The following MTMR10 variants were observed in gnomAD, a reference collection of about 807,000 sequenced individuals.
MTMR10 encodes the protein myotubularin related protein 10, also known as myotubularin-related protein 10.
MTMR10 carries 56 observed loss-of-function variants against 88.1 expected under a neutral mutation model. The ratio of observed to expected loss-of-function variants is 0.64; its 90% confidence interval spans 0.51 to 0.79. The LOEUF (loss-of-function observed/expected upper bound fraction) is 0.79. MTMR10 is among the 30% of genes least tolerant of loss of function. MTMR10 has a pLI of 0.00. For synonymous variants in MTMR10, 380 were observed against 340.9 expected (o/e 1.11, Z -1.26); for missense variants, 883 against 924.7 (o/e 0.95, Z 0.58).
the MTMR10 span, chr15:30,929,305 C>T: frequency 1.2e-5 from 19 of 1,612,568 alleles, no homozygotes; most frequent in African/African-American, 2.7e-5. Flanking sequence ...GGAGAGCCTG[C>T]GGGCCTGGGT....
intron 2 of MTMR10, among the ~76,000 whole-genome samples, chr15:30,980,410 G>A (rs937335272): frequency 9.9e-5 from 15 of 152,204 alleles, no homozygotes; most frequent in Admixed American, 9.2e-4. Context: ...AATGAACCCC[G>A]AGGGGCTAGA....
At chr15:30,949,014 T>A (rs996700059) in intron 12 of MTMR10, 1 of 152,458 alleles carries the variant, frequency 6.6e-6, no homozygotes, top group African/African-American at 2.4e-5. Context: ...TGATTACAGA[T>A]GTAAAAATCA....
downstream of MTMR10, among the ~76,000 whole-genome samples, chr15:30,935,299 C>T (rs2062820925): frequency 6.6e-6 from 1 of 151,524 alleles, no homozygotes; most frequent in Admixed American, 6.6e-5. Flanking sequence ...CAGAGTGAGA[C>T]CTTGTCTCAA....
At chr15:30,973,302 T>TA (rs1330875995) in intron 5 of MTMR10, among the ~76,000 whole-genome samples, 2 of 152,144 alleles carry the variant, frequency 1.3e-5, no homozygotes, top group African/African-American at 4.8e-5. Flanking sequence ...ACAACCACTC[T>TA]ACTCTGCTAG....
the MTMR10 span, among the ~76,000 whole-genome samples, chr15:30,926,190 C>T: frequency 2.0e-5 from 3 of 152,226 alleles, no homozygotes; most frequent in East Asian, 1.9e-4. Flanking sequence ...ATGGAAGGTA[C>T]TGCACAAGCC....
chr15:30,943,653 C>G, intron 14 of MTMR10: 1 of 985,430 alleles, frequency 1.0e-6, no homozygotes, highest in Non-Finnish European at 1.2e-6. Flanking sequence ...ACCATGTACA[C>G]AGGAGACCCC....
In MTMR10 at chr15:30,939,080, CG is replaced by C; in HGVS notation, c.*2389del. ...TTAGGCACAAAGGTTTTAGTTTTCT[CG>C]GGAAATCAAGTTTTAACCACTTGAG... On this transcript the variant is annotated 3_prime_UTR_variant, in exon 16 of 16. Coordinates refer to ENST00000435680, the MANE Select transcript of MTMR10 (RefSeq NM_017762.3). 1.0e-6 allele frequency: 1 copy of C among 985,396 alleles called. No individual in the cohort carries two copies. The highest frequency in any genetic ancestry group is 1.2e-6 in the Non-Finnish European group (1 of 829,914). The allele number at this position is 985,396 out of a possible 1,614,324, so 61.0% of individuals were successfully genotyped here.
chr15:30,935,459 AAAGT>A (rs369302186), downstream of MTMR10, among the ~76,000 whole-genome samples: 298 of 152,326 alleles, frequency 2.0e-3, no homozygotes, highest in African/African-American at 6.8e-3. Context: ...AAAACAATAA[AAAGT>A]AACTACAACA....
intron 15 of MTMR10, 53 bp downstream of exon 15, chr15:30,942,835 AAG>A (rs781017410): frequency 1.4e-6 from 2 of 1,472,542 alleles, no homozygotes; most frequent in Non-Finnish European, 1.8e-6. Flanking sequence ...TGTTCTGAAA[AAG>A]AGGTGTTTGG....
the MTMR10 span, chr15:30,920,470 C>T: frequency 1.1e-6 from 1 of 945,440 alleles, no homozygotes; most frequent in Non-Finnish European, 1.7e-6. Context: ...ATTCAGTCTG[C>T]TTTGTCACTT....
chr15:30,948,284 G>A lies in MTMR10; in HGVS notation c.1377+18C>T. 1.3e-6 allele frequency: 2 copies of A among 1,599,134 alleles called. No homozygotes were observed. The highest frequency in any genetic ancestry group is 1.7e-6 in the Non-Finnish European group (2 of 1,173,480). On this transcript the variant is annotated intron_variant, in intron 13 of 15. Transcript: ENST00000435680. Reference sequence around the variant, plus strand: ...TGTATCCTTAAAGACTGATAAAAAGGCATCAAGATTTTGTTACCTCTTTCT... The same window carrying A: ...TGTATCCTTAAAGACTGATAAAAAGACATCAAGATTTTGTTACCTCTTTCT...
intron 1 of MTMR10, 75 bp from the exon 2 acceptor site, chr15:30,990,912 T>C: frequency 7.8e-7 from 1 of 1,275,370 alleles, no homozygotes; most frequent in Non-Finnish European, 1.1e-6. Context: ...AAATGTTGTT[T>C]TCTAAGTGAT....
the MTMR10 span, chr15:30,925,968 C>T: frequency 1.9e-6 from 3 of 1,611,844 alleles, no homozygotes; most frequent in Admixed American, 1.7e-5. Flanking sequence ...TCTTGTGGCA[C>T]CCAGCCCCGG....
chr15:30,952,884 G>A (rs2063270047), intron 11 of MTMR10, among the ~76,000 whole-genome samples: 1 of 152,018 alleles, frequency 6.6e-6, no homozygotes, highest in African/African-American at 2.4e-5. Flanking sequence ...CTGCCTCCCA[G>A]GTTCAAGTGA....
chr15:30,991,381 G>A, intron 1 of MTMR10, 66 bp downstream of exon 1: 1 of 1,373,616 alleles, frequency 7.3e-7, no homozygotes. Flanking sequence ...AGTTCCCGGG[G>A]GTCGGCCTGG....
At chr15:30,958,774 C>T (rs2063360611) in intron 9 of MTMR10, 89 bp downstream of exon 9, 2 of 1,324,822 alleles carry the variant, frequency 1.5e-6, no homozygotes, top group Admixed American at 1.7e-5. Context: ...TAAGACTATG[C>T]ATTTTGTTAT....
chr15:30,930,064 T>C, the MTMR10 span, among the ~76,000 whole-genome samples: 1 of 145,874 alleles, frequency 6.9e-6, no homozygotes, highest in African/African-American at 2.5e-5. Context: ...TATATGAGAA[T>C]ACCCTATCCC....
Position 30,990,777 on chromosome 15 carries a change from C to G in MTMR10, c.121G>C (p.Gly41Arg). The change falls in exon 2 of 16, where the codon GGA becomes CGA. Residue 41 changes from glycine (G) to arginine (R), a missense_variant and splice_region_variant. Physicochemically the swap from Gly to Arg is moderately radical, Grantham distance 125. Around this residue, in one of 3 missense-constraint regions of MTMR10, gnomAD observed 414 missense variants for 423.2 expected, o/e 0.98. Coordinates refer to ENST00000435680, the MANE Select transcript of MTMR10 (RefSeq NM_017762.3). ...IKKLEPVLLP[G>R]EIVVNEVNFV... Reference sequence around the variant, plus strand: ...TGTTAGAATCCTAACTAATGTTTACCTGGCAAAAGGACTGGCTCCAGTTTT... The same window carrying G: ...TGTTAGAATCCTAACTAATGTTTACGTGGCAAAAGGACTGGCTCCAGTTTT... The G allele has an allele frequency of 1.2e-6, 2 of 1,608,832 alleles. No homozygotes were observed. The highest frequency in any genetic ancestry group is 8.5e-7 in the Non-Finnish European group (1 of 1,177,308).
At chr15:30,983,044 G>C (rs1022764609) in intron 2 of MTMR10, among the ~76,000 whole-genome samples, 1 of 152,234 alleles carries the variant, frequency 6.6e-6, no homozygotes, top group Admixed American at 6.5e-5. Flanking sequence ...CAAAGCTCTA[G>C]AGGTTCTGAA....
Sources: gnomAD v4.1 joint callset for allele counts (sites outside exome capture counted in the v4.1 genomes callset) on GRCh38, gnomAD v4.1.1 for gene constraint, gnomAD v4.1.1 regional missense constraint, MANE v1.5 for transcripts, NCBI Gene and HGNC (gene_info 2026-07-23, HGNC 2026-07-21) for gene names.